Variants in ELAVL4 observed in about 807,000 individuals in gnomAD.
ELAVL4 encodes the protein ELAV like RNA binding protein 4.
ELAVL4 carries 1 observed loss-of-function variant against 35.6 expected under a neutral mutation model. That is an observed-to-expected ratio of 0.03 (90% CI 0.01 to 0.13). The LOEUF is 0.13. Ranked by LOEUF, ELAVL4 falls within the 10% of genes least tolerant of loss-of-function variation. The pLI is 1.00. For missense variants in ELAVL4, 267 were observed against 464.9 expected (o/e 0.57, Z 3.91); for synonymous variants, 156 against 171.0 (o/e 0.91, Z 0.69).
chr1:50,152,288 A>T (rs1435797458), intron 2 of ELAVL4, among the ~76,000 whole-genome samples: 1 of 152,170 alleles, frequency 6.6e-6, no homozygotes, highest in Non-Finnish European at 1.5e-5. Context: ...GATGTCTCAA[A>T]GGATTTTTAC....
intron 1 of ELAVL4, among the ~76,000 whole-genome samples, chr1:50,059,735 A>ATGG (rs2148475934): frequency 6.6e-6 from 1 of 152,368 alleles, no homozygotes; most frequent in East Asian, 1.9e-4. Flanking sequence ...ATGAATGCAT[A>ATGG]AACAAATTGT....
intron 3 of ELAVL4, among the ~76,000 whole-genome samples, chr1:50,184,165 G>T (rs1169746782): frequency 2.0e-5 from 3 of 152,172 alleles, no homozygotes; most frequent in Admixed American, 2.0e-4. Context: ...CAAATACAAG[G>T]ATAGGAGTTG....
intron 6 of ELAVL4, 121 bp from the exon 7 acceptor site, chr1:50,200,730 T>G (rs1644350434): frequency 6.6e-7 from 1 of 1,514,604 alleles, no homozygotes; most frequent in African/African-American, 1.4e-5. Flanking sequence ...TTTTGAACCC[T>G]GAAGACTCTC....
chr1:50,139,748 C>G (rs1672503317), intron 1 of ELAVL4, among the ~76,000 whole-genome samples: 1 of 152,166 alleles, frequency 6.6e-6, no homozygotes, highest in Non-Finnish European at 1.5e-5. Context: ...AGGAGGCTGG[C>G]TGAGCCTCTG....
intron 1 of ELAVL4, among the ~76,000 whole-genome samples, chr1:50,082,010 C>T (rs531654245): frequency 2.0e-5 from 3 of 152,142 alleles, no homozygotes; most frequent in Non-Finnish European, 4.4e-5. Context: ...GACATGAACT[C>T]GTCCATTTTT....
At chr1:50,074,881 G>A (rs145529682) in intron 1 of ELAVL4, among the ~76,000 whole-genome samples, 1 of 152,104 alleles carries the variant, frequency 6.6e-6, no homozygotes, top group East Asian at 1.9e-4. Flanking sequence ...CTAGGCACTG[G>A]GGATGTAATT....
intron 4 of ELAVL4, among the ~76,000 whole-genome samples, chr1:50,195,014 A>G (rs1182069975): frequency 1.3e-5 from 2 of 152,128 alleles, no homozygotes; most frequent in African/African-American, 2.4e-5. Flanking sequence ...AGAAGTCTGG[A>G]CTTTATCTGG....
chr1:50,138,460 G>T (rs1384529663), intron 1 of ELAVL4, among the ~76,000 whole-genome samples: 1 of 140,958 alleles, frequency 7.1e-6, no homozygotes, highest in Non-Finnish European at 1.5e-5. Context: ...CTGCTTGAAT[G>T]AGTGCTTTTT....
At chr1:50,058,550 C>A (rs1663796387) in intron 1 of ELAVL4, among the ~76,000 whole-genome samples, 1 of 150,006 alleles carries the variant, frequency 6.7e-6, no homozygotes, top group Non-Finnish European at 1.5e-5. Flanking sequence ...CTTCACTTGA[C>A]TAGCCTAAAG....
rs770920730 is a variant in ELAVL4 at position 50,071,968 on chromosome 1, T to C, written c.18+23786T>C. Among the ~76,000 whole-genome samples the C allele has an allele frequency of 3.8e-4, 58 of 152,206 alleles. 1 individual carries two copies. The highest frequency in any genetic ancestry group is 1.5e-4 in the Non-Finnish European group (10 of 68,038). On this transcript the variant is annotated intron_variant, in intron 1 of 6. Coordinates refer to the ELAVL4 transcript ENST00000448907. ...TGGCATCCAGTAAGTAGTCAACAAA[T>C]AGTACCTATTACTATTAATATTAAC...
intron 2 of ELAVL4, among the ~76,000 whole-genome samples, chr1:50,151,219 C>T (rs1489860480): frequency 2.6e-5 from 4 of 152,174 alleles, no homozygotes; most frequent in African/African-American, 9.7e-5. Context: ...CCCCAAAATA[C>T]TAAACTGACT....
intron 6 of ELAVL4, among the ~76,000 whole-genome samples, chr1:50,198,770 C>T (rs1169010051): frequency 6.6e-6 from 1 of 152,170 alleles, no homozygotes; most frequent in Non-Finnish European, 1.5e-5. Flanking sequence ...CCACCTCCTC[C>T]ACTGCCCCAC....
intron 1 of ELAVL4, among the ~76,000 whole-genome samples, chr1:50,133,233 A>G (rs2148645347): frequency 6.6e-6 from 1 of 152,324 alleles, no homozygotes; most frequent in African/African-American, 2.4e-5. Flanking sequence ...TATGAACATA[A>G]GAAGAGATGT....
intron 1 of ELAVL4, among the ~76,000 whole-genome samples, chr1:50,048,952 A>C (rs375123925): frequency 6.6e-6 from 1 of 152,314 alleles, no homozygotes; most frequent in South Asian, 2.1e-4. Context: ...TTGAACCTGC[A>C]GGAGACTCAT....
At chr1:50,199,309 G>T (rs1644258177) in intron 6 of ELAVL4, among the ~76,000 whole-genome samples, 1 of 152,166 alleles carries the variant, frequency 6.6e-6, no homozygotes, top group African/African-American at 2.4e-5. Flanking sequence ...AACAGTTGTA[G>T]CTCACACTTT....
At position 50,159,793 on chromosome 1, in the gene ELAVL4, G is replaced by A. The variant is rs187537186; in HGVS notation, c.250+14596G>A. Reference sequence around the variant, plus strand: ...TGGAGTCCTTGGAGGATAAATTTGAGGGTGGGAGACAAGGAGGCAGTTTGC... The same window carrying A: ...TGGAGTCCTTGGAGGATAAATTTGAAGGTGGGAGACAAGGAGGCAGTTTGC... On this transcript the variant is annotated intron_variant, in intron 2 of 6. Coordinates refer to ENST00000371824, the MANE Select transcript of ELAVL4 (RefSeq NM_001144774.3). Among the ~76,000 whole-genome samples the A allele has an allele frequency of 3.3e-4, 50 of 152,242 alleles. 1 individual carries two copies. The highest frequency in any genetic ancestry group is 1.1e-3 in the African/African-American group (47 of 41,556).
At chr1:50,146,021 C>T (rs970211579) in intron 2 of ELAVL4, among the ~76,000 whole-genome samples, 15 of 152,154 alleles carry the variant, frequency 9.9e-5, no homozygotes, top group African/African-American at 3.4e-4. Context: ...ATAATGATGG[C>T]AGTGAAGCTG....
intron 1 of ELAVL4, chr1:50,109,614 G>T (rs1489324168): frequency 7.2e-6 from 3 of 413,992 alleles, no homozygotes; most frequent in East Asian, 4.3e-5. Flanking sequence ...CTCAATTTCC[G>T]TGCTGGAAAT....
At chr1:50,154,942 G>A (rs149786698) in intron 2 of ELAVL4, among the ~76,000 whole-genome samples, 1 of 152,004 alleles carries the variant, frequency 6.6e-6, no homozygotes, top group African/African-American at 2.4e-5. Flanking sequence ...GATATAGAAT[G>A]GTAAAAGGAG....
Sources: allele counts gnomAD v4.1 joint callset (sites outside exome capture counted in the v4.1 genomes callset), GRCh38; gene constraint gnomAD v4.1.1; transcripts MANE v1.5; gene names NCBI Gene and HGNC (gene_info 2026-07-23, HGNC 2026-07-21).